Variants in MCHR2 observed in about 807,000 individuals in gnomAD.
MCHR2 encodes melanin concentrating hormone receptor 2.
In MCHR2, 15 loss-of-function variants were observed where a neutral mutation model predicts 24.8. The observed-to-expected ratio is 0.60, with a 90% CI of 0.40 to 0.93. The LOEUF is 0.93. Among genes scored for constraint, MCHR2 ranks in the 40% least tolerant of loss-of-function variants. MCHR2 has a pLI of 0.00. For missense variants in MCHR2, 386 were observed against 408.7 expected, an observed-to-expected ratio of 0.94 and a Z score of 0.48; for synonymous variants, 151 against 147.6, an observed-to-expected ratio of 1.02 and a Z score of -0.17.
At position 99,934,349 on chromosome 6, in the gene MCHR2, A is replaced by T. The variant is rs760873671; in HGVS notation, c.707+49T>A. ...CCTAAGTTTCTATTGTAGATGTCTT[A>T]GGCTATCTAAATTGTTCTTTTAACA... On this transcript the variant is annotated intron_variant, in intron 5 of 5. Transcript: ENST00000281806. The T allele has an allele frequency of 8.0e-6, 12 of 1,495,196 alleles. No homozygotes were observed. In the African/African-American group the frequency reaches 1.6e-4, roughly 20 times the overall value. The allele number at this position is 1,495,196 out of a possible 1,614,324, so 92.6% of individuals were successfully genotyped here. A position where few individuals can be genotyped will look rare whatever the true frequency, so the allele number is the denominator to read the frequency against.
intron 4 of MCHR2, among the ~76,000 whole-genome samples, chr6:99,940,093 T>C (rs1455216783): frequency 1.3e-5 from 2 of 152,028 alleles, no homozygotes; most frequent in African/African-American, 2.4e-5. Context: ...TTGTTTGGTG[T>C]TCTCTGATCT....
chr6:99,969,763 C>G (rs981197652), intron 1 of MCHR2, among the ~76,000 whole-genome samples: 7 of 141,410 alleles, frequency 5.0e-5, no homozygotes, highest in Admixed American at 4.6e-4. Flanking sequence ...CTTCCTGTGT[C>G]CATGTGTTCT....
At chr6:99,929,115 C>G (rs13198912) in intron 5 of MCHR2, among the ~76,000 whole-genome samples, 25,333 of 152,022 alleles carry the variant, frequency 0.17, 2,256 homozygotes, top group African/African-American at 0.19. Flanking sequence ...CATTCAGGAG[C>G]AGGTTGTTCA....
intron 1 of MCHR2, among the ~76,000 whole-genome samples, chr6:99,961,527 T>TA (rs1393706726): frequency 3.3e-5 from 5 of 152,194 alleles, no homozygotes; most frequent in South Asian, 2.1e-4. Flanking sequence ...TATGCAGTTA[T>TA]AAAAAAGGAT....
intron 1 of MCHR2, among the ~76,000 whole-genome samples, chr6:99,991,808 C>CAAAAAAAAAA (rs3038469): frequency 2.3e-4 from 19 of 82,032 alleles, no homozygotes; most frequent in African/African-American, 4.7e-4. Flanking sequence ...GACTCCGTCT[C>CAAAAAAAAAA]AAAAAAAAAA....
At chr6:99,922,146 G>A (rs1393477939) in intron 5 of MCHR2, among the ~76,000 whole-genome samples, 3 of 136,906 alleles carry the variant, frequency 2.2e-5, no homozygotes, top group Admixed American at 8.1e-5. Flanking sequence ...TCGCTCTGTC[G>A]CCCAGACTGG....
At chr6:99,961,364 C>A (rs529388312) in intron 1 of MCHR2, among the ~76,000 whole-genome samples, 1 of 152,086 alleles carries the variant, frequency 6.6e-6, no homozygotes, top group East Asian at 1.9e-4. Context: ...TGGTTATACA[C>A]CCAAAGGATT....
chr6:99,949,694 TA>T (rs1215535170), intron 2 of MCHR2, among the ~76,000 whole-genome samples: 1 of 151,936 alleles, frequency 6.6e-6, no homozygotes, highest in South Asian at 2.1e-4. Flanking sequence ...TTGCTGCCAC[TA>T]AAAAAACAGG....
intron 1 of MCHR2, among the ~76,000 whole-genome samples, chr6:99,969,459 G>A (rs1206818710): frequency 2.1e-5 from 2 of 95,174 alleles, no homozygotes; most frequent in Admixed American, 1.7e-4. Flanking sequence ...GGTGAGAAGA[G>A]CAAGACTCCA....
chr6:99,982,079 C>T (rs188208666), intron 1 of MCHR2, among the ~76,000 whole-genome samples: 188 of 152,206 alleles, frequency 1.2e-3, no homozygotes, highest in Non-Finnish European at 1.2e-3. Flanking sequence ...CTAAACCCCC[C>T]GCTCCCTACC....
chr6:99,929,745 A>G (rs1487885435), intron 5 of MCHR2, among the ~76,000 whole-genome samples: 4 of 151,730 alleles, frequency 2.6e-5, no homozygotes, highest in Non-Finnish European at 4.4e-5. Flanking sequence ...TGCACGTGAG[A>G]TGGGTGTTCT....
chr6:99,934,459 A>C lies in MCHR2; in HGVS notation c.646T>G (p.Cys216Gly). The C allele has an allele frequency of 6.2e-7, 1 of 1,606,680 alleles. No homozygotes were observed. Among genetic ancestry groups the C allele is most frequent in the Non-Finnish European group, 8.5e-7 (1 of 1,176,926 alleles). ...GTATAGCATAAAATTAAAATATAGC[A>C]CACCAAAATCAAGGGTAGAGGGAAA... ...FFFPLPLILVCYILILCYTWE... is the reference protein window; with the variant it reads ...FFFPLPLILVGYILILCYTWE... The change falls in exon 5 of 6, where the codon TGC (cysteine) becomes GGC (glycine). Residue 216 changes from cysteine (C) to glycine (G), a missense_variant. Cys to Gly is a radical substitution (Grantham distance 159). Coordinates refer to ENST00000281806, the MANE Select transcript of MCHR2 (RefSeq NM_001040179.2).
intron 1 of MCHR2, among the ~76,000 whole-genome samples, chr6:99,957,593 G>A (rs1775090153): frequency 6.6e-6 from 1 of 152,042 alleles, no homozygotes; most frequent in Non-Finnish European, 1.5e-5. Context: ...AAAATAGGAT[G>A]TATGAGACTT....
intron 5 of MCHR2, 103 bp from the exon 6 acceptor site, chr6:99,921,358 G>T: frequency 1.1e-6 from 1 of 939,448 alleles, no homozygotes; most frequent in Non-Finnish European, 1.6e-6. Context: ...GCTTTGTAGT[G>T]AAATATGAAG....
intron 5 of MCHR2, 62 bp from the exon 6 acceptor site, chr6:99,921,317 G>C: frequency 2.0e-6 from 3 of 1,486,056 alleles, no homozygotes; most frequent in South Asian, 2.5e-5. Flanking sequence ...GGGGCAATGT[G>C]TTCCTAGAAC....
chr6:99,966,801 T>G (rs1775303503), intron 1 of MCHR2, among the ~76,000 whole-genome samples: 1 of 152,172 alleles, frequency 6.6e-6, no homozygotes, highest in South Asian at 2.1e-4. Flanking sequence ...TAAAGAATCT[T>G]TTGTATAAAG....
At chr6:99,936,468 A>T (rs1418916203) in intron 4 of MCHR2, among the ~76,000 whole-genome samples, 1 of 151,570 alleles carries the variant, frequency 6.6e-6, no homozygotes, top group Non-Finnish European at 1.5e-5. Flanking sequence ...TCCTGTCTCC[A>T]TTCTTGGCTC....
chr6:99,987,061 C>T (rs1240874679), intron 1 of MCHR2, among the ~76,000 whole-genome samples: 1 of 151,468 alleles, frequency 6.6e-6, no homozygotes, highest in Admixed American at 6.6e-5. Context: ...TTCTTATACT[C>T]TATTGTATTG....
chr6:99,975,865 A>G (rs765282923), intron 1 of MCHR2, among the ~76,000 whole-genome samples: 38 of 152,236 alleles, frequency 2.5e-4, no homozygotes, highest in Non-Finnish European at 5.0e-4. Context: ...ACAGAAAGGC[A>G]TGTCACTTTT....
Sources: gnomAD v4.1 joint callset for allele counts (sites outside exome capture counted in the v4.1 genomes callset) on GRCh38, gnomAD v4.1.1 for gene constraint, MANE v1.5 for transcripts, NCBI Gene and HGNC (gene_info 2026-07-23, HGNC 2026-07-21) for gene names.